SS18: variants seen among roughly 807,000 people sequenced by gnomAD.
SS18 encodes the protein protein SSXT.
SS18 carries 28 observed loss-of-function variants against 72.5 expected under a neutral mutation model. That is an observed-to-expected ratio of 0.39 (90% CI 0.29 to 0.53). The LOEUF (loss-of-function observed/expected upper bound fraction) is 0.53, where lower values mean the gene tolerates loss of function less well. Among genes scored for constraint, SS18 ranks in the 20% least tolerant of loss-of-function variants. SS18 has a pLI of 0.76. For missense variants in SS18, 518 were observed against 535.3 expected (o/e 0.97, Z 0.32); for synonymous variants, 172 against 164.2 (o/e 1.05, Z -0.37).
At chr18:26,066,570 G>A (rs11661836) in intron 3 of SS18, among the ~76,000 whole-genome samples, 53,061 of 150,040 alleles carry the variant, frequency 0.35, 11,064 homozygotes, top group South Asian at 0.53. Flanking sequence ...AGTTACTTTC[G>A]CTGATTTTAA....
At chr18:26,080,235 A>C (rs1220340626) in intron 2 of SS18, 1 of 522,032 alleles carries the variant, frequency 1.9e-6, no homozygotes, top group Non-Finnish European at 2.5e-6. Flanking sequence ...GAAGGAACTT[A>C]AAATATAGTG....
chr18:26,077,988 C>G, intron 3 of SS18, 88 bp downstream of exon 3: 1 of 940,008 alleles, frequency 1.1e-6, no homozygotes, highest in Non-Finnish European at 1.6e-6. Context: ...ATTTACTAAA[C>G]AAAACTTAAA....
chr18:26,048,821 C>T (rs988441147), intron 5 of SS18, among the ~76,000 whole-genome samples: 1 of 152,180 alleles, frequency 6.6e-6, no homozygotes, highest in African/African-American at 2.4e-5. Context: ...AAATTAGATG[C>T]TGTGGCTAAA....
At chr18:26,029,472 G>T (rs2053506626) in intron 10 of SS18, among the ~76,000 whole-genome samples, 1 of 152,186 alleles carries the variant, frequency 6.6e-6, no homozygotes, top group African/African-American at 2.4e-5. Flanking sequence ...TTTGACTTGG[G>T]TGAAAGGAGA....
intron 10 of SS18, among the ~76,000 whole-genome samples, chr18:26,026,831 T>C (rs1162992054): frequency 1.3e-5 from 2 of 152,164 alleles, no homozygotes; most frequent in African/African-American, 2.4e-5. Context: ...TATTTGTATA[T>C]ACTAGCAACT....
intron 2 of SS18, among the ~76,000 whole-genome samples, chr18:26,079,840 C>T (rs2054484147): frequency 6.6e-6 from 1 of 152,172 alleles, no homozygotes; most frequent in African/African-American, 2.4e-5. Flanking sequence ...CTCAGACTCT[C>T]AAAGTGCTGG....
intron 10 of SS18, among the ~76,000 whole-genome samples, chr18:26,024,381 G>A (rs1224231168): frequency 1.3e-5 from 2 of 152,168 alleles, no homozygotes; most frequent in Non-Finnish European, 2.9e-5. Context: ...CTGGAGTATA[G>A]TGACACAATC....
intron 10 of SS18, among the ~76,000 whole-genome samples, chr18:26,032,071 TAA>T (rs1206928813): frequency 6.6e-6 from 1 of 152,082 alleles, no homozygotes; most frequent in African/African-American, 2.4e-5. Context: ...GTAAATATGA[TAA>T]ACTCTCTATC....
chr18:26,068,532 G>A (rs1433466317), intron 3 of SS18: 1 of 152,150 alleles, frequency 6.6e-6, no homozygotes, highest in East Asian at 1.9e-4. Context: ...CTAAGCATGT[G>A]TTCCTTCACC....
At chr18:26,075,844 G>C (rs1263552321) in intron 3 of SS18, among the ~76,000 whole-genome samples, 1 of 151,880 alleles carries the variant, frequency 6.6e-6, no homozygotes, top group East Asian at 1.9e-4. Context: ...AGCATCTACA[G>C]AAAAACTCAG....
In SS18 at chr18:26,035,047, ACTG is replaced by A; in HGVS notation, c.1051_1053del (p.Gln351del). On this transcript the variant is annotated inframe_deletion, in exon 9 of 11. Coordinates refer to ENST00000415083, the MANE Select transcript of SS18 (RefSeq NM_001007559.3). This position sits in a 1 kb window ranked among gnomAD's most constrained non-coding sequence, Gnocchi z 4.4. ...CCTGGGTAACCTTGCTGCCCTGGGT[ACTG>A]CTGCTGCTGGGGTGGATATCCCTGT... 1 of 1,613,424 alleles carries A rather than the reference ACTG, an allele frequency of 6.2e-7. No homozygotes were observed. The highest frequency in any genetic ancestry group is 8.5e-7 in the Non-Finnish European group (1 of 1,179,550).
intron 10 of SS18, among the ~76,000 whole-genome samples, chr18:26,026,432 G>A (rs556099170): frequency 5.1e-4 from 77 of 152,176 alleles, no homozygotes; most frequent in African/African-American, 1.8e-3. Context: ...AAAATCATGT[G>A]ACAAAATTCA....
At chr18:26,041,885 A>G (rs1217335459) in intron 5 of SS18, among the ~76,000 whole-genome samples, 1 of 152,182 alleles carries the variant, frequency 6.6e-6, no homozygotes, top group Admixed American at 6.5e-5. Context: ...AGCAGTTCCA[A>G]TCCCAAAGAG....
At chr18:26,065,824 T>TATATATATATATATATATATATATATATA (rs10527527) in intron 3 of SS18, among the ~76,000 whole-genome samples, 1 of 136,740 alleles carries the variant, frequency 7.3e-6, no homozygotes, top group Non-Finnish European at 1.6e-5. Context: ...TATATATATA[T>TATATATATATATATATATATATATATATA]GATCATTTTA....
chr18:26,078,008 A>G, intron 3 of SS18, 68 bp downstream of exon 3: 1 of 1,171,442 alleles, frequency 8.5e-7, no homozygotes, highest in Non-Finnish European at 1.2e-6. Context: ...AAATCATTCA[A>G]CAAAAATGTG....
chr18:26,089,139 T>A (rs1353134818), intron 1 of SS18, among the ~76,000 whole-genome samples: 1 of 152,104 alleles, frequency 6.6e-6, no homozygotes, highest in Non-Finnish European at 1.5e-5. Flanking sequence ...CAGCTGAGAA[T>A]GGAAAATAAT....
In SS18 at chr18:26,052,663, A is replaced by T; in HGVS notation, c.568T>A (p.Tyr190Asn). 6.2e-7 allele frequency: 1 copy of T among 1,614,148 alleles called. No homozygotes were observed. The highest frequency in any genetic ancestry group is 8.5e-7 in the Non-Finnish European group (1 of 1,179,988). Residue 190 changes from tyrosine to asparagine, a missense_variant, in exon 5 of 11, where the codon TAT (tyrosine) becomes AAT (asparagine). Physicochemically the swap from Tyr to Asn is moderately radical, Grantham distance 143. Transcript: ENST00000415083. ...TMSQGQPMGN[Y>N]GPRPNMSMQP... is the part of the protein sequence containing the mutation. ...ATACTCATATTTGGTCTGGGACCAT[A>T]GTTTCCCATTGGTTGTCCCTGACTC...
chr18:26,049,696 T>TA (rs1419446764), intron 5 of SS18, among the ~76,000 whole-genome samples: 1 of 152,036 alleles, frequency 6.6e-6, no homozygotes, highest in African/African-American at 2.4e-5. Flanking sequence ...TTTCTTTTTG[T>TA]AAAAAATGCA....
chr18:26,059,254 G>A (rs765090444), intron 3 of SS18, among the ~76,000 whole-genome samples: 1 of 152,166 alleles, frequency 6.6e-6, no homozygotes, highest in Non-Finnish European at 1.5e-5. Context: ...TACAACTCCT[G>A]AAAGAACGGA....
Sources: gnomAD v4.1 joint callset for allele counts (sites outside exome capture counted in the v4.1 genomes callset) on GRCh38, gnomAD v4.1.1 for gene constraint, Gnocchi (gnomAD v3.1) non-coding constraint, MANE v1.5 for transcripts, NCBI Gene and HGNC (gene_info 2026-07-23, HGNC 2026-07-21) for gene names.